The following TTC7A variants were observed in gnomAD, a reference collection of about 807,000 sequenced individuals.
TTC7A encodes tetratricopeptide repeat domain 7A.
TTC7A carries 110 observed loss-of-function variants against 103.7 expected under a neutral mutation model. That is an observed-to-expected ratio of 1.06 (90% CI 0.91 to 1.24). The LOEUF is 1.24. Among genes scored for constraint, TTC7A ranks in the 50% most tolerant of loss-of-function variants. The pLI, the probability that TTC7A is intolerant of heterozygous loss-of-function variation, is 0.00. For missense variants in TTC7A, 1,340 were observed against 1,116.3 expected, an observed-to-expected ratio of 1.20 and a Z score of -2.86; for synonymous variants, 521 against 467.9, an observed-to-expected ratio of 1.11 and a Z score of -1.47.
In TTC7A at chr2:47,074,300, ATCTC is replaced by A. The variant is rs559168456; in HGVS notation, c.*382_*385del. On this transcript the variant is annotated 3_prime_UTR_variant, in exon 20 of 20. Coordinates refer to ENST00000319190, the MANE Select transcript of TTC7A (RefSeq NM_020458.4). ...CTCTCAGCACAGTACAGACTTCTGG[ATCTC>A]TCTCAGGTCTTGCCCAGGGCGGTCA... The A allele has an allele frequency of 4.5e-6, 1 of 224,564 alleles. No individual in the cohort carries two copies. Among genetic ancestry groups the A allele is most frequent in the Non-Finnish European group, 8.8e-6 (1 of 113,132 alleles). The allele number at this position is 224,564 out of a possible 1,614,324, so 13.9% of individuals were successfully genotyped here. A position where few individuals can be genotyped will look rare whatever the true frequency, so the allele number is the denominator to read the frequency against.
At chr2:47,017,206 A>C (rs1190288445) in intron 11 of TTC7A, among the ~76,000 whole-genome samples, 1 of 148,032 alleles carries the variant, frequency 6.8e-6, no homozygotes. Flanking sequence ...GTCTCAAAAA[A>C]AAAAAAAAAA....
chr2:47,017,195 T>C (rs1312327315), intron 11 of TTC7A, among the ~76,000 whole-genome samples: 16 of 80,076 alleles, frequency 2.0e-4, no homozygotes, highest in Admixed American at 7.6e-4. Context: ...AGCGACACTC[T>C]GTCTCAAAAA....
At position 47,050,039 on chromosome 2, in the gene TTC7A, A is replaced by T; in HGVS notation, c.2010A>T (p.Ala670=). ...TGACTTTGCCTGATGCCCATGATGCAGACTCTGGTAAGAACGAGCTCCTTG... is the reference window on the plus strand; with the variant it reads ...TGACTTTGCCTGATGCCCATGATGCTGACTCTGGTAAGAACGAGCTCCTTG... ...MHLTLPDAHD[A]DSGSRRASSI... The change falls in exon 17 of 20, where the codon GCA becomes GCT. Residue 670 remains alanine (A), a synonymous_variant. Coordinates refer to ENST00000319190, the MANE Select transcript of TTC7A (RefSeq NM_020458.4). 1.9e-6 allele frequency: 3 copies of T among 1,613,580 alleles called. No homozygotes were observed. The East Asian group carries it at 6.7e-5, about 36-fold the overall frequency.
chr2:46,974,743 G>C, intron 3 of TTC7A: 2 of 613,744 alleles, frequency 3.3e-6, no homozygotes, highest in Non-Finnish European at 6.0e-6. Context: ...GGGTAGTTGG[G>C]CTGGGGTGAT....
intron 6 of TTC7A, among the ~76,000 whole-genome samples, chr2:46,994,041 G>A (rs1337761418): frequency 1.3e-5 from 2 of 152,146 alleles, no homozygotes; most frequent in African/African-American, 2.4e-5. Flanking sequence ...ATACTGCAAG[G>A]TCCTGCTGAA....
At chr2:46,965,507 C>T (rs1380196587) in intron 3 of TTC7A, among the ~76,000 whole-genome samples, 4 of 151,246 alleles carry the variant, frequency 2.6e-5, no homozygotes, top group African/African-American at 7.3e-5. Flanking sequence ...TGGAGCTAGT[C>T]GACACTGATG....
chr2:46,952,415 C>T (rs568266559), intron 2 of TTC7A, among the ~76,000 whole-genome samples: 8 of 152,086 alleles, frequency 5.3e-5, no homozygotes, highest in African/African-American at 1.9e-4. Flanking sequence ...ATGATTCAGC[C>T]TTATTGTAAA....
intron 5 of TTC7A, among the ~76,000 whole-genome samples, chr2:46,992,771 G>A (rs1465944352): frequency 2.6e-5 from 4 of 152,254 alleles, no homozygotes; most frequent in Admixed American, 2.6e-4. Context: ...ACAAAATGGG[G>A]GTAGAGGTAG....
chr2:46,941,058 G>A (rs1333122547), upstream of TTC7A: 1 of 148,856 alleles, frequency 6.7e-6, no homozygotes, highest in Admixed American at 6.7e-5. This position sits in a 1 kb window ranked among gnomAD's most constrained non-coding sequence, Gnocchi z 4.2. Context: ...GCGGCGGGGG[G>A]CGGGTACCCG....
At chr2:47,018,768 C>T (rs929725881) in intron 11 of TTC7A, among the ~76,000 whole-genome samples, 1 of 151,966 alleles carries the variant, frequency 6.6e-6, no homozygotes, top group Non-Finnish European at 1.5e-5. Flanking sequence ...CATCTTATCT[C>T]ATCCTGTCCT....
chr2:46,987,083 A>C (rs554485071), intron 5 of TTC7A, among the ~76,000 whole-genome samples: 2 of 152,232 alleles, frequency 1.3e-5, no homozygotes, highest in East Asian at 3.9e-4. Flanking sequence ...CTAGAACTGA[A>C]GGCACAGGCC....
At chr2:47,067,862 G>C (rs558506539) in intron 19 of TTC7A, 1 of 152,086 alleles carries the variant, frequency 6.6e-6, no homozygotes, top group African/African-American at 2.4e-5. Flanking sequence ...CTTGGTTCTC[G>C]GGGGGGAGTG....
chr2:46,983,997 T>C (rs2104312039), intron 5 of TTC7A, among the ~76,000 whole-genome samples: 1 of 152,320 alleles, frequency 6.6e-6, no homozygotes, highest in East Asian at 1.9e-4. Context: ...GGGATATTTC[T>C]TAGGATAATG....
chr2:47,024,280 C>G lies in TTC7A; in HGVS notation c.1569-7C>G, dbSNP rs368266789. On this transcript the variant is annotated splice_region_variant and splice_polypyrimidine_tract_variant and intron_variant, in intron 13 of 19. Coordinates refer to ENST00000319190, the MANE Select transcript of TTC7A (RefSeq NM_020458.4). ...TGCCTGACTTGTCACTCCCTCTCCC[C>G]ACACAGGGCTCAGCAGCTGGCGCCC... The G allele has an allele frequency of 3.3e-5, 53 of 1,593,306 alleles. No homozygotes were observed. Among genetic ancestry groups the G allele is most frequent in the Non-Finnish European group, 2.5e-5 (29 of 1,169,356 alleles).
intron 3 of TTC7A, among the ~76,000 whole-genome samples, chr2:46,972,995 A>T (rs930023456): frequency 6.6e-6 from 1 of 152,218 alleles, no homozygotes; most frequent in Non-Finnish European, 1.5e-5. Flanking sequence ...GCCAGAATTC[A>T]CTGTGGCCCA....
chr2:47,063,960 G>A (rs1370343690), intron 19 of TTC7A, among the ~76,000 whole-genome samples: 3 of 152,244 alleles, frequency 2.0e-5, no homozygotes, highest in Non-Finnish European at 4.4e-5. Flanking sequence ...GCTCTTAGGG[G>A]CTGGGGACCC....
chr2:47,015,853 A>C (rs1678596053), intron 11 of TTC7A, among the ~76,000 whole-genome samples: 1 of 152,172 alleles, frequency 6.6e-6, no homozygotes, highest in Admixed American at 6.5e-5. Flanking sequence ...CAGCTTGTAG[A>C]AATTGGAAAG....
At chr2:47,022,009 T>C (rs777945057) in intron 12 of TTC7A, 30 bp downstream of exon 12, 82 of 1,543,878 alleles carry the variant, frequency 5.3e-5, no homozygotes, top group South Asian at 2.8e-4. Flanking sequence ...AGGCCTCTAC[T>C]TGGGGATGGC....
intron 19 of TTC7A, among the ~76,000 whole-genome samples, chr2:47,073,275 A>C (rs1435708462): frequency 6.6e-6 from 1 of 152,138 alleles, no homozygotes; most frequent in Non-Finnish European, 1.5e-5. Flanking sequence ...CTCCTGCCAG[A>C]CACTTCTCAG....
Sources: gnomAD v4.1 joint callset for allele counts (sites outside exome capture counted in the v4.1 genomes callset) on GRCh38, gnomAD v4.1.1 for gene constraint, Gnocchi (gnomAD v3.1) non-coding constraint, MANE v1.5 for transcripts, NCBI Gene and HGNC (gene_info 2026-07-23, HGNC 2026-07-21) for gene names.